SRGAP3: variants seen among roughly 807,000 people sequenced by gnomAD.
SRGAP3 encodes SLIT-ROBO Rho GTPase activating protein 3, also known as SLIT-ROBO Rho GTPase-activating protein 3.
Under a neutral mutation model 121.1 loss-of-function variants are expected in SRGAP3, and 39 were observed. The observed-to-expected ratio is 0.32, with a 90% CI of 0.25 to 0.42. The LOEUF is 0.42. Among genes scored for constraint, SRGAP3 ranks in the 10% least tolerant of loss-of-function variants. The pLI, the probability that SRGAP3 is intolerant of heterozygous loss-of-function variation, is 1.00. For missense variants in SRGAP3, 1,213 were observed against 1,470.6 expected, an observed-to-expected ratio of 0.82 and a Z score of 2.86; for synonymous variants, 601 against 570.0, an observed-to-expected ratio of 1.05 and a Z score of -0.77.
Position 8,990,658 on chromosome 3 carries a change from T to A in SRGAP3, c.2740A>T (p.Met914Leu), listed in dbSNP as rs1199396838. 1 of 1,613,660 alleles carries A rather than the reference T, an allele frequency of 6.2e-7. No homozygotes were observed. Among genetic ancestry groups the A allele is most frequent in the Admixed American group, 1.7e-5 (1 of 60,022 alleles). Residue 914 changes from methionine to leucine, a missense_variant, in exon 21 of 22, where the codon ATG becomes TTG. Physicochemically the swap from Met to Leu is conservative, Grantham distance 15. This residue lies in a region of SRGAP3 where 420 missense variants were observed against 437.7 expected (regional missense o/e 0.96). Transcript: ENST00000383836. ...CTGCCAGCGCTCCCGAACGTCGCCA[T>A]CCTCCGCTTCTCAGGGCTCTCGATC... The part of the protein sequence containing the change: ...GRIESPEKRR[M>L]ATFGSAGSIN...
At chr3:9,194,459 G>C (rs1218362816) in intron 1 of SRGAP3, 1 of 152,196 alleles carries the variant, frequency 6.6e-6, no homozygotes, top group Non-Finnish European at 1.5e-5. Flanking sequence ...TTTTACGATT[G>C]AGTCTCTAAG....
chr3:9,125,199 T>A (rs974386120), intron 1 of SRGAP3, among the ~76,000 whole-genome samples: 2 of 152,216 alleles, frequency 1.3e-5, no homozygotes, highest in African/African-American at 4.8e-5. Flanking sequence ...CCCCAAGCAT[T>A]CTTATTTCTT....
intron 4 of SRGAP3, among the ~76,000 whole-genome samples, chr3:9,075,776 G>C (rs3856902): frequency 0.019 from 2,846 of 152,296 alleles, 96 homozygotes; most frequent in East Asian, 0.13. Flanking sequence ...AATGACCCTA[G>C]GGCTGAGGGA....
intron 10 of SRGAP3, among the ~76,000 whole-genome samples, chr3:9,041,600 C>A (rs1383773967): frequency 6.6e-6 from 1 of 152,216 alleles, no homozygotes; most frequent in Admixed American, 6.5e-5. Flanking sequence ...TTCTTCATTG[C>A]CTGTCTAGTA....
At chr3:9,228,211 C>G (rs1953060954) in intron 1 of SRGAP3, among the ~76,000 whole-genome samples, 1 of 151,960 alleles carries the variant, frequency 6.6e-6, no homozygotes, top group Non-Finnish European at 1.5e-5. Flanking sequence ...GGTGTAGGGG[C>G]TCAAGAGCAC....
rs540522642 is a variant in SRGAP3, at chr3:9,020,273, C to T, written c.1679-4542G>A. 2.6e-5 allele frequency among the ~76,000 whole-genome samples: 4 copies of T among 152,054 alleles called. No homozygotes were observed. The South Asian group carries it at 8.3e-4, about 32-fold the overall frequency. On this transcript the variant is annotated intron_variant, in intron 14 of 21. Transcript: ENST00000383836. ...AGGTAGGTATATATTTACCTACTTT[C>T]CTTCCTTCCTTCCTTTCATCCTTTA...
intron 3 of SRGAP3, among the ~76,000 whole-genome samples, chr3:9,291,632 ACACG>A (rs369149298): frequency 2.7e-5 from 4 of 149,338 alleles, no homozygotes; most frequent in Non-Finnish European, 4.5e-5. Flanking sequence ...ACACACACAC[ACACG>A]CACACACATT....
intron 3 of SRGAP3, among the ~76,000 whole-genome samples, chr3:9,289,806 C>T (rs1304778462): frequency 1.3e-5 from 2 of 152,138 alleles, no homozygotes; most frequent in Non-Finnish European, 2.9e-5. Flanking sequence ...AAAACCAAAG[C>T]TCAAAACTCA....
intron 3 of SRGAP3, among the ~76,000 whole-genome samples, chr3:9,306,811 T>G (rs1955168632): frequency 6.6e-6 from 1 of 152,182 alleles, no homozygotes; most frequent in Non-Finnish European, 1.5e-5. Context: ...CAAAAAAAAG[T>G]CACAAAAATG....
In SRGAP3 at chr3:9,096,937, GTATATATATATATATATA is replaced by G. The variant is rs58305278; in HGVS notation, c.423+7725_423+7742del. Among the ~76,000 whole-genome samples, 95 of 61,326 alleles carry G rather than the reference GTATATATATATATATATA, an allele frequency of 1.5e-3. 1 individual carries two copies. Among genetic ancestry groups the G allele is most frequent in the Admixed American group, 4.4e-3 (19 of 4,276 alleles). 40.2% of individuals were successfully genotyped at this position (61,326 alleles called of 152,430 possible). A position where few individuals can be genotyped will look rare whatever the true frequency, so the allele number is the denominator to read the frequency against. On this transcript the variant is annotated intron_variant, in intron 3 of 21. Coordinates refer to ENST00000383836, the MANE Select transcript of SRGAP3 (RefSeq NM_014850.4). ...AATTATATATTTTTTACATTATTTT[GTATATATATATATATATA>G]TATATATATATATATATATATATAT...
chr3:9,272,794 A>G, intron 3 of SRGAP3, among the ~76,000 whole-genome samples: 1 of 116,192 alleles, frequency 8.6e-6, no homozygotes, highest in East Asian at 2.0e-4. Context: ...GGATCATATA[A>G]TAATTCTGTT....
At chr3:9,152,014 C>T (rs954128734) in intron 1 of SRGAP3, among the ~76,000 whole-genome samples, 2 of 152,200 alleles carry the variant, frequency 1.3e-5, no homozygotes, top group African/African-American at 4.8e-5. Flanking sequence ...TCTAGATCCC[C>T]AACCTCTGCC....
chr3:9,186,963 T>C (rs192076611), intron 1 of SRGAP3, among the ~76,000 whole-genome samples: 1 of 152,194 alleles, frequency 6.6e-6, no homozygotes, highest in Non-Finnish European at 1.5e-5. Flanking sequence ...TTTTTGTTTT[T>C]AAAATTTTTT....
At chr3:9,029,471 C>G (rs553151986) in intron 12 of SRGAP3, among the ~76,000 whole-genome samples, 1 of 152,274 alleles carries the variant, frequency 6.6e-6, no homozygotes, top group East Asian at 1.9e-4. Flanking sequence ...ATGTATAAAA[C>G]AAACTCCAGC....
rs193072558 is a variant in SRGAP3, at chr3:9,241,309, C to T, written c.67+7576G>A. 1.4e-4 allele frequency among the ~76,000 whole-genome samples: 22 copies of T among 152,228 alleles called. 1 individual carries two copies. The East Asian group carries it at 4.1e-3, about 28-fold the overall frequency. On this transcript the variant is annotated intron_variant, in intron 1 of 21. Coordinates refer to ENST00000383836, the MANE Select transcript of SRGAP3 (RefSeq NM_014850.4). ...GCCTGAAGCATGGCTTACAAAGTCA[C>T]TGAATGAATGAATAATAGGAGTTTC...
At chr3:9,069,763 A>G (rs1417924316) in intron 4 of SRGAP3, among the ~76,000 whole-genome samples, 1 of 152,186 alleles carries the variant, frequency 6.6e-6, no homozygotes, top group African/African-American at 2.4e-5. Context: ...CCTGGCCAAC[A>G]TAGTGAAACC....
chr3:9,025,937 G>A (rs1944177273), intron 13 of SRGAP3, among the ~76,000 whole-genome samples: 1 of 152,136 alleles, frequency 6.6e-6, no homozygotes, highest in African/African-American at 2.4e-5. Flanking sequence ...TCAAAAGGCA[G>A]GCTTTGGTCA....
At chr3:9,351,828 T>G (rs986841210) in intron 1 of SRGAP3, among the ~76,000 whole-genome samples, 2 of 152,150 alleles carry the variant, frequency 1.3e-5, no homozygotes, top group African/African-American at 4.8e-5. Flanking sequence ...ACAGACAAAA[T>G]GGATTCTCTG....
intron 1 of SRGAP3, among the ~76,000 whole-genome samples, chr3:9,162,338 C>A (rs1950626363): frequency 6.6e-6 from 1 of 152,016 alleles, no homozygotes; most frequent in Non-Finnish European, 1.5e-5. Flanking sequence ...TAAAAATAAC[C>A]TCAGTATATG....
Sources: allele counts gnomAD v4.1 joint callset (sites outside exome capture counted in the v4.1 genomes callset), GRCh38; gene constraint gnomAD v4.1.1; regional missense constraint gnomAD v4.1.1; transcripts MANE v1.5; gene names NCBI Gene and HGNC (gene_info 2026-07-23, HGNC 2026-07-21).